Variants in KLRG1 observed in about 807,000 individuals in gnomAD.
KLRG1 encodes the protein killer cell lectin-like receptor subfamily G member 1.
Under a neutral mutation model 21.8 loss-of-function variants are expected in KLRG1, and 16 were observed. The ratio of observed to expected loss-of-function variants is 0.73; its 90% CI spans 0.50 to 1.11. The LOEUF (loss-of-function observed/expected upper bound fraction) is 1.11. Ranked by LOEUF, KLRG1 falls within the 50% of genes most tolerant of loss-of-function variation. KLRG1 has a pLI of 0.00. For synonymous variants in KLRG1, 69 were observed against 75.9 expected, an observed-to-expected ratio of 0.91 and a Z score of 0.47; for missense variants, 173 against 218.3, an observed-to-expected ratio of 0.79 and a Z score of 1.31.
chr12:9,193,398 C>T, the KLRG1 span, among the ~76,000 whole-genome samples: 179 of 152,096 alleles, frequency 1.2e-3, no homozygotes, highest in Middle Eastern at 3.4e-3. Context: ...AAACCTTTTG[C>T]GCATAAACAC....
At chr12:9,157,549 G>C in the KLRG1 span, among the ~76,000 whole-genome samples, 1 of 152,202 alleles carries the variant, frequency 6.6e-6, no homozygotes. Context: ...AATAAGACTA[G>C]AGAACCTGTT....
the KLRG1 span, among the ~76,000 whole-genome samples, chr12:9,209,290 T>A: frequency 6.6e-6 from 1 of 152,166 alleles, no homozygotes; most frequent in African/African-American, 2.4e-5. Context: ...TATTTCAGCC[T>A]AATCATCCCT....
chr12:9,025,190 T>G, the KLRG1 span, among the ~76,000 whole-genome samples: 1 of 152,134 alleles, frequency 6.6e-6, no homozygotes. Flanking sequence ...TGAGTTTAGA[T>G]GGTTTGAAGT....
rs1450279733 is a variant in KLRG1, at chr12:8,953,250, G to A, written c.-156+3014G>A. On this transcript the variant is annotated intron_variant, in intron 1 of 4. Transcript: ENST00000539240. ...GCGGAGAGGGGATGTGGTAGGTGGAGGTGGTCCCCCACCCCTGCAGTCAGG... is the reference window on the plus strand; with the variant it reads ...GCGGAGAGGGGATGTGGTAGGTGGAAGTGGTCCCCCACCCCTGCAGTCAGG... Among the ~76,000 whole-genome samples the A allele has an allele frequency of 6.6e-5, 10 of 152,214 alleles. 1 individual carries two copies. Among genetic ancestry groups the A allele is most frequent in the Admixed American group, 6.5e-4 (10 of 15,276 alleles).
the KLRG1 span, chr12:9,181,211 C>T: frequency 6.4e-7 from 1 of 1,568,794 alleles, no homozygotes; most frequent in Non-Finnish European, 8.7e-7. Context: ...TCCTAAGCCA[C>T]CCTTATATTC....
chr12:9,083,586 G>A, the KLRG1 span, among the ~76,000 whole-genome samples: 2 of 151,778 alleles, frequency 1.3e-5, no homozygotes, highest in Non-Finnish European at 2.9e-5. Context: ...AGAGTATTTG[G>A]AATTATCCAG....
At chr12:9,198,592 T>C in the KLRG1 span, among the ~76,000 whole-genome samples, 1 of 152,024 alleles carries the variant, frequency 6.6e-6, no homozygotes, top group African/African-American at 2.4e-5. Flanking sequence ...TAGGAACACA[T>C]GAGGCATGTA....
At chr12:9,072,311 G>A in the KLRG1 span, 15 of 1,598,164 alleles carry the variant, frequency 9.4e-6, no homozygotes, top group African/African-American at 1.9e-4. Flanking sequence ...CCCGAAAGAA[G>A]ACTGGTGGTT....
At chr12:9,158,556 T>G in the KLRG1 span, 2 of 1,614,070 alleles carry the variant, frequency 1.2e-6, no homozygotes, top group Admixed American at 1.7e-5. Flanking sequence ...GGCGAAAGTC[T>G]TCAGTACAAA....
the KLRG1 span, chr12:9,106,610 G>C: frequency 1.4e-6 from 2 of 1,473,424 alleles, no homozygotes; most frequent in African/African-American, 2.8e-5. Context: ...GTTTAGCTAA[G>C]AAGGGAGAAA....
the KLRG1 span, chr12:9,163,821 C>T: frequency 1.2e-6 from 2 of 1,601,558 alleles, no homozygotes; most frequent in African/African-American, 2.7e-5. Flanking sequence ...ACATGAGTAT[C>T]CACTTTGATA....
At chr12:9,041,348 A>AAAAAAACAAAAC in the KLRG1 span, among the ~76,000 whole-genome samples, 2 of 152,172 alleles carry the variant, frequency 1.3e-5, no homozygotes, top group Non-Finnish European at 2.9e-5. Flanking sequence ...ACAAACAAAC[A>AAAAAAACAAAAC]AAAAAACAAA....
At chr12:9,150,295 T>G in the KLRG1 span, among the ~76,000 whole-genome samples, 1 of 152,232 alleles carries the variant, frequency 6.6e-6, no homozygotes, top group Non-Finnish European at 1.5e-5. Context: ...GTTTTTTCTT[T>G]TTTTTGAGAC....
the KLRG1 span, chr12:9,091,237 C>T: frequency 1.9e-6 from 3 of 1,614,162 alleles, no homozygotes; most frequent in South Asian, 2.2e-5. Context: ...GGACCGTGGC[C>T]TTGAGTGTGA....
chr12:9,185,670 A>T, the KLRG1 span, among the ~76,000 whole-genome samples: 1 of 130,116 alleles, frequency 7.7e-6, no homozygotes, highest in Non-Finnish European at 1.7e-5. Context: ...AAAAAAAAAA[A>T]TGTTAAAGGT....
At chr12:8,975,152 G>A (rs777170628) in intron 1 of KLRG1, among the ~76,000 whole-genome samples, 3 of 152,028 alleles carry the variant, frequency 2.0e-5, no homozygotes, top group South Asian at 2.1e-4. Context: ...TGCCTGCCTC[G>A]GCCTCCCAAA....
the KLRG1 span, chr12:9,028,796 C>T: frequency 9.8e-6 from 6 of 614,724 alleles, no homozygotes; most frequent in Non-Finnish European, 1.9e-5. Flanking sequence ...TAAGTGGGCA[C>T]CTGGTCTTTG....
downstream of KLRG1, among the ~76,000 whole-genome samples, chr12:9,012,112 G>A (rs1257299410): frequency 1.3e-5 from 2 of 152,186 alleles, no homozygotes; most frequent in East Asian, 3.9e-4. Context: ...GGACTTGGAG[G>A]GAATGTGACC....
the KLRG1 span, chr12:9,111,397 G>A: frequency 5.1e-6 from 2 of 392,378 alleles, no homozygotes; most frequent in Admixed American, 2.9e-5. Flanking sequence ...CCTCATTTTA[G>A]ACAGAGGAGT....
Sources: allele counts gnomAD v4.1 joint callset (sites outside exome capture counted in the v4.1 genomes callset), GRCh38; gene constraint gnomAD v4.1.1; transcripts MANE v1.5; gene names NCBI Gene and HGNC (gene_info 2026-07-23, HGNC 2026-07-21).